The following PIK3C2G variants were observed in gnomAD, a reference collection of about 807,000 sequenced individuals.
PIK3C2G encodes phosphatidylinositol-4-phosphate 3-kinase catalytic subunit type 2 gamma.
In PIK3C2G, 168 loss-of-function variants were observed where a neutral mutation model predicts 181.1. The observed-to-expected ratio is 0.93, with a 90% CI of 0.82 to 1.05. The LOEUF is 1.05. PIK3C2G is among the 50% of genes least tolerant of loss of function. PIK3C2G has a pLI of 0.00. For synonymous variants in PIK3C2G, 573 were observed against 592.2 expected, an observed-to-expected ratio of 0.97 and a Z score of 0.47; for missense variants, 1,869 against 1,732.8, an observed-to-expected ratio of 1.08 and a Z score of -1.40.
downstream of PIK3C2G, among the ~76,000 whole-genome samples, chr12:18,650,459 G>A (rs2136882824): frequency 6.8e-6 from 1 of 146,892 alleles, no homozygotes; most frequent in South Asian, 2.2e-4. Flanking sequence ...TCAAATTACT[G>A]AAAAAATGTA....
At chr12:18,337,470 T>G (rs966732269) in intron 8 of PIK3C2G, among the ~76,000 whole-genome samples, 1 of 152,078 alleles carries the variant, frequency 6.6e-6, no homozygotes, top group Non-Finnish European at 1.5e-5. Flanking sequence ...GTCTGAGTAA[T>G]TTATAAAGAA....
intron 8 of PIK3C2G, among the ~76,000 whole-genome samples, chr12:18,331,587 A>T (rs1937973773): frequency 6.6e-6 from 1 of 152,058 alleles, no homozygotes; most frequent in South Asian, 2.1e-4. Flanking sequence ...CTACATATAC[A>T]ATCATGTCAT....
At chr12:18,583,574 G>A (rs979239965) in intron 29 of PIK3C2G, among the ~76,000 whole-genome samples, 1 of 152,006 alleles carries the variant, frequency 6.6e-6, no homozygotes, top group African/African-American at 2.4e-5. Flanking sequence ...GGAGATCAGG[G>A]GCTGGTCCAG....
chr12:18,626,756 G>T (rs1949117319), intron 31 of PIK3C2G, among the ~76,000 whole-genome samples: 1 of 151,960 alleles, frequency 6.6e-6, no homozygotes, highest in African/African-American at 2.4e-5. Flanking sequence ...CTGGACTGAA[G>T]GGTTTCTGCT....
chr12:18,430,651 G>A (rs969469536), intron 18 of PIK3C2G, among the ~76,000 whole-genome samples: 21 of 152,188 alleles, frequency 1.4e-4, no homozygotes, highest in Admixed American at 1.3e-3. Flanking sequence ...GGTCAACTAA[G>A]AGCTGGCCTG....
intron 26 of PIK3C2G, among the ~76,000 whole-genome samples, chr12:18,556,661 A>G: frequency 6.6e-6 from 1 of 152,134 alleles, no homozygotes; most frequent in Non-Finnish European, 1.5e-5. Flanking sequence ...CAATGAATGA[A>G]TGGTAGAGTC....
At chr12:18,373,986 T>C (rs1028045948) in intron 13 of PIK3C2G, among the ~76,000 whole-genome samples, 3 of 152,206 alleles carry the variant, frequency 2.0e-5, no homozygotes, top group African/African-American at 7.2e-5. Flanking sequence ...AGTGTTATCC[T>C]CACCTCAGCA....
intron 29 of PIK3C2G, among the ~76,000 whole-genome samples, chr12:18,575,683 T>C (rs1946199398): frequency 6.6e-6 from 1 of 152,104 alleles, no homozygotes; most frequent in Non-Finnish European, 1.5e-5. Flanking sequence ...TAAGATGATA[T>C]TAAAGGGCAA....
intron 32 of PIK3C2G, among the ~76,000 whole-genome samples, chr12:18,646,132 C>T (rs1276265244): frequency 2.0e-5 from 3 of 152,108 alleles, no homozygotes; most frequent in Non-Finnish European, 2.9e-5. Flanking sequence ...TTTAAGGCAA[C>T]TCTTAAAATC....
At chr12:18,412,255 A>G (rs1944906055) in intron 16 of PIK3C2G, among the ~76,000 whole-genome samples, 3 of 152,216 alleles carry the variant, frequency 2.0e-5, no homozygotes, top group Non-Finnish European at 2.9e-5. Context: ...TTATGGCCAC[A>G]TAACAATGAT....
intron 1 of PIK3C2G, 66 bp from the exon 2 acceptor site, chr12:18,281,938 T>C: frequency 3.3e-6 from 2 of 614,768 alleles, no homozygotes. Context: ...ATTTATCCTA[T>C]ATCTGTCTTA....
the PIK3C2G span, among the ~76,000 whole-genome samples, chr12:18,694,609 C>A: frequency 2.9e-3 from 435 of 152,122 alleles, 4 homozygotes; most frequent in African/African-American, 9.7e-3. Context: ...TGAACTGAGA[C>A]CTGTATCTCA....
chr12:18,435,157 A>G (rs968506492), intron 18 of PIK3C2G, among the ~76,000 whole-genome samples: 6 of 152,162 alleles, frequency 3.9e-5, no homozygotes, highest in African/African-American at 1.4e-4. Context: ...ACAATGCCCT[A>G]GTTTACAGCC....
intron 18 of PIK3C2G, among the ~76,000 whole-genome samples, chr12:18,455,363 G>A (rs542390477): frequency 9.2e-5 from 14 of 152,082 alleles, no homozygotes; most frequent in African/African-American, 2.9e-4. Flanking sequence ...GGGGGGTGGC[G>A]GTTGGTGGAG....
the PIK3C2G span, among the ~76,000 whole-genome samples, chr12:18,661,647 A>G: frequency 6.6e-6 from 1 of 152,116 alleles, no homozygotes; most frequent in Admixed American, 6.6e-5. Flanking sequence ...TCAAAAAATA[A>G]CATGCTGGTG....
At chr12:18,293,539 A>T (rs1949802190) in intron 4 of PIK3C2G, among the ~76,000 whole-genome samples, 1 of 152,134 alleles carries the variant, frequency 6.6e-6, no homozygotes, top group Admixed American at 6.5e-5. Flanking sequence ...ACCCCCTGGA[A>T]CTTTTGCCTG....
chr12:18,575,416 C>G (rs1183272319), intron 29 of PIK3C2G, among the ~76,000 whole-genome samples: 1 of 152,160 alleles, frequency 6.6e-6, no homozygotes, highest in Non-Finnish European at 1.5e-5. Context: ...CAATAAATAT[C>G]TTCCCATTTA....
At chr12:18,278,174 T>C (rs1949064058) in intron 1 of PIK3C2G, among the ~76,000 whole-genome samples, 1 of 152,210 alleles carries the variant, frequency 6.6e-6, no homozygotes, top group African/African-American at 2.4e-5. Flanking sequence ...TACGTTTCAG[T>C]TCTGTAAGTC....
At chr12:18,358,730 T>C in intron 11 of PIK3C2G, 3 of 428,808 alleles carry the variant, frequency 7.0e-6, no homozygotes, top group Non-Finnish European at 1.4e-5. Flanking sequence ...TTGATTCTCA[T>C]GACTTTATTA....
Sources: allele counts gnomAD v4.1 joint callset (sites outside exome capture counted in the v4.1 genomes callset), GRCh38; gene constraint gnomAD v4.1.1; transcripts MANE v1.5; gene names NCBI Gene and HGNC (gene_info 2026-07-23, HGNC 2026-07-21).